The following BORCS5 variants were observed in gnomAD, a reference collection of about 807,000 sequenced individuals.
The protein encoded by BORCS5 is BLOC-1 related complex subunit 5.
A neutral mutation model predicts 22.1 loss-of-function variants in BORCS5; 17 were observed. The ratio of observed to expected loss-of-function variants is 0.77; its 90% CI spans 0.53 to 1.15. The LOEUF (loss-of-function observed/expected upper bound fraction) is 1.15, where lower values mean the gene tolerates loss of function less well. Ranked by LOEUF, BORCS5 falls within the 50% of genes most tolerant of loss-of-function variation. The pLI, the probability that BORCS5 is intolerant of heterozygous loss-of-function variation, is 0.00. For synonymous variants in BORCS5, 117 were observed against 99.8 expected, an observed-to-expected ratio of 1.17 and a Z score of -1.03; for missense variants, 247 against 253.2, an observed-to-expected ratio of 0.98 and a Z score of 0.17.
rs776502350 is a variant in BORCS5 at position 12,465,636 on chromosome 12, G to A, written c.451G>A (p.Glu151Lys). 8 of 1,614,130 alleles carry A rather than the reference G, an allele frequency of 5.0e-6. No individual in the cohort carries two copies. The highest frequency in any genetic ancestry group is 6.8e-6 in the Non-Finnish European group (8 of 1,180,052). The change falls in exon 4 of 4, where the codon GAG becomes AAG. Residue 151 changes from glutamate (E) to lysine (K), a missense_variant. Coordinates refer to ENST00000314565, the MANE Select transcript of BORCS5 (RefSeq NM_058169.6). ...TGCCGAGCAGATCCAGAAAGTGAAC[G>A]AGATGTCCGCCATCCTCCGCCGCAT... Reference protein sequence around the residue: ...KYAEQIQKVNEMSAILRRIQM... With the variant: ...KYAEQIQKVNKMSAILRRIQM...
intron 3 of BORCS5, among the ~76,000 whole-genome samples, chr12:12,445,792 C>T (rs1296116505): frequency 2.0e-5 from 3 of 150,588 alleles, no homozygotes; most frequent in Admixed American, 6.6e-5. Flanking sequence ...TGACACTATG[C>T]CCAGCTGACT....
intron 2 of BORCS5, among the ~76,000 whole-genome samples, chr12:12,417,010 T>G (rs1019531104): frequency 7.9e-5 from 12 of 151,540 alleles, no homozygotes; most frequent in Admixed American, 1.3e-4. Context: ...AGGCTGGTCT[T>G]GAACACTTGA....
At chr12:12,377,304 G>T (rs58029880) in intron 2 of BORCS5, among the ~76,000 whole-genome samples, 1 of 151,442 alleles carries the variant, frequency 6.6e-6, no homozygotes, top group Non-Finnish European at 1.5e-5. Flanking sequence ...TCGGCCTCCC[G>T]AGTAGTTGGG....
intron 3 of BORCS5, among the ~76,000 whole-genome samples, chr12:12,453,624 G>A (rs115717325): frequency 1.1e-4 from 16 of 152,218 alleles, no homozygotes; most frequent in African/African-American, 3.1e-4. Context: ...GGTATCTGTC[G>A]GGGGTCTGGG....
chr12:12,372,205 A>G (rs536703948), intron 2 of BORCS5, among the ~76,000 whole-genome samples: 2 of 152,154 alleles, frequency 1.3e-5, no homozygotes, highest in South Asian at 2.1e-4. Context: ...ATGCCCAGCT[A>G]ATTTCTGTAC....
chr12:12,377,829 A>C (rs899465128), intron 2 of BORCS5, among the ~76,000 whole-genome samples: 2 of 152,192 alleles, frequency 1.3e-5, no homozygotes, highest in African/African-American at 4.8e-5. Flanking sequence ...TGAAGAAAGC[A>C]ATGAGCCAAG....
At chr12:12,418,509 A>T (rs1942031579) in intron 2 of BORCS5, among the ~76,000 whole-genome samples, 1 of 151,790 alleles carries the variant, frequency 6.6e-6, no homozygotes, top group Non-Finnish European at 1.5e-5. Flanking sequence ...ACATAGTTAG[A>T]CCCCCATCTC....
At chr12:12,372,703 G>C (rs1863557364) in intron 2 of BORCS5, among the ~76,000 whole-genome samples, 1 of 151,960 alleles carries the variant, frequency 6.6e-6, no homozygotes, top group Admixed American at 6.6e-5. Flanking sequence ...TCTACCTGTT[G>C]CCTTATGTAT....
intron 2 of BORCS5, among the ~76,000 whole-genome samples, chr12:12,375,610 C>A (rs888570035): frequency 6.6e-6 from 1 of 152,130 alleles, no homozygotes; most frequent in East Asian, 1.9e-4. Context: ...CAGAGTGAGA[C>A]CCTGTCTCTG....
chr12:12,427,312 C>T (rs1234472387), intron 2 of BORCS5, among the ~76,000 whole-genome samples: 2 of 151,338 alleles, frequency 1.3e-5, no homozygotes, highest in Admixed American at 6.6e-5. Context: ...TCCCAAGTAG[C>T]TGGGACTACA....
At position 12,435,150 on chromosome 12, in the gene BORCS5, CTGTAT is replaced by C. The variant is rs553491333; in HGVS notation, c.203-477_203-473del. Among the ~76,000 whole-genome samples, 491 of 152,276 alleles carry C rather than the reference CTGTAT, an allele frequency of 3.2e-3. 2 individuals carry two copies. Among genetic ancestry groups the C allele is most frequent in the African/African-American group, 0.011 (460 of 41,552 alleles). ...CCATTTTAGCATCTCCTAGCAGTTT[CTGTAT>C]ACATTTGATTTCTTTTTCTCAGTTT... On this transcript the variant is annotated intron_variant, in intron 2 of 3. Coordinates refer to ENST00000314565, the MANE Select transcript of BORCS5 (RefSeq NM_058169.6).
chr12:12,460,901 G>T (rs1339108485), intron 3 of BORCS5, among the ~76,000 whole-genome samples: 1 of 152,156 alleles, frequency 6.6e-6, no homozygotes, highest in Non-Finnish European at 1.5e-5. Flanking sequence ...TTGAGTTCAT[G>T]TACTGAGTGG....
At chr12:12,436,926 T>C (rs1942568129) in intron 3 of BORCS5, among the ~76,000 whole-genome samples, 1 of 152,224 alleles carries the variant, frequency 6.6e-6, no homozygotes, top group Admixed American at 6.5e-5. Context: ...TATAAACTTA[T>C]TTTACTATAT....
Position 12,388,096 on chromosome 12 carries a change from TTATTA to T in BORCS5, c.202+26753_202+26757del, listed in dbSNP as rs541692852. Among the ~76,000 whole-genome samples, 115 of 151,584 alleles carry T rather than the reference TTATTA, an allele frequency of 7.6e-4. 5 individuals carry two copies. Among genetic ancestry groups the T allele is most frequent in the Admixed American group, 6.3e-3 (96 of 15,210 alleles). Reference sequence around the variant, plus strand: ...GATTAGTGAGAACTAACATTTGTGATTATTATATTAATTGAGACTCTTTTTGGTAT... The same window carrying T: ...GATTAGTGAGAACTAACATTTGTGATTATTAATTGAGACTCTTTTTGGTAT... On this transcript the variant is annotated intron_variant, in intron 2 of 3. Coordinates refer to ENST00000314565, the MANE Select transcript of BORCS5 (RefSeq NM_058169.6).
At chr12:12,376,526 C>G (rs1229136316) in intron 2 of BORCS5, among the ~76,000 whole-genome samples, 2 of 152,206 alleles carry the variant, frequency 1.3e-5, no homozygotes, top group East Asian at 3.8e-4. Context: ...AGCCACTGCA[C>G]CTGGCCTGCT....
At chr12:12,375,709 T>C (rs1230935918) in intron 2 of BORCS5, among the ~76,000 whole-genome samples, 1 of 152,234 alleles carries the variant, frequency 6.6e-6, no homozygotes, top group Non-Finnish European at 1.5e-5. Flanking sequence ...GCCAGTGAAA[T>C]GCAAAGTGAC....
chr12:12,467,429 A>G lies in BORCS5; in HGVS notation c.*1653A>G, dbSNP rs1943221328. On this transcript the variant is annotated 3_prime_UTR_variant, in exon 4 of 4. Transcript: ENST00000314565. ...TGCTGCAGCTGTTAGTGGCTGGCAC[A>G]GGGCAGGATGGCAGACCTAGTGCAG... The G allele has an allele frequency of 6.6e-6, 1 of 152,262 alleles. No individual in the cohort carries two copies. The allele number at this position is 152,262 out of a possible 1,614,324, so 9.4% of individuals were successfully genotyped here.
intron 2 of BORCS5, among the ~76,000 whole-genome samples, chr12:12,369,489 C>T (rs911481096): frequency 6.6e-6 from 1 of 151,866 alleles, no homozygotes; most frequent in Non-Finnish European, 1.5e-5. Flanking sequence ...ATACTCCTTT[C>T]CTGCTTCCTT....
At chr12:12,440,461 C>T (rs992455672) in intron 3 of BORCS5, among the ~76,000 whole-genome samples, 9 of 151,910 alleles carry the variant, frequency 5.9e-5, no homozygotes, top group East Asian at 3.9e-4. Context: ...AGTTTAGCCT[C>T]GCTGAGGGAA....
Sources: gnomAD v4.1 joint callset for allele counts (sites outside exome capture counted in the v4.1 genomes callset) on GRCh38, gnomAD v4.1.1 for gene constraint, MANE v1.5 for transcripts, NCBI Gene and HGNC (gene_info 2026-07-23, HGNC 2026-07-21) for gene names.